Variants in DMBX1 observed in about 807,000 individuals in gnomAD.
The protein encoded by DMBX1 is diencephalon/mesencephalon homeobox protein 1.
In DMBX1, 7 loss-of-function variants were observed where a neutral mutation model predicts 30.4. The observed-to-expected ratio is 0.23, with a 90% CI of 0.13 to 0.43. DMBX1 has a LOEUF of 0.43. Among genes scored for constraint, DMBX1 ranks in the 20% least tolerant of loss-of-function variants. The pLI is 1.00. For synonymous variants in DMBX1, 222 were observed against 214.2 expected (o/e 1.04, Z -0.32); for missense variants, 460 against 508.5 (o/e 0.90, Z 0.92).
chr1:46,498,188 A>C (rs1666060503), intron 2 of DMBX1, among the ~76,000 whole-genome samples: 1 of 152,146 alleles, frequency 6.6e-6, no homozygotes, highest in Non-Finnish European at 1.5e-5. Flanking sequence ...TTGCTGGGAA[A>C]GGGCCCACTG....
chr1:46,506,901 A>G (rs765668043), intron 2 of DMBX1, 98 bp from the exon 3 acceptor site: 11 of 1,400,500 alleles, frequency 7.9e-6, no homozygotes, highest in African/African-American at 1.4e-5. Context: ...CTGACCCATC[A>G]GAAGGTGGGC....
rs1666456359 is a variant in DMBX1, at chr1:46,514,637, T to A, written c.*2143T>A. Among the ~76,000 whole-genome samples the A allele has an allele frequency of 6.6e-6, 1 of 152,118 alleles. No homozygotes were observed. Among genetic ancestry groups the A allele is most frequent in the African/African-American group, 2.4e-5 (1 of 41,428 alleles). Reference sequence around the variant, plus strand: ...GGAGGTGATGGCTTGGACAGATTCTTGGTCATGCTCCCCAACTCTTGGTGG... The same window carrying A: ...GGAGGTGATGGCTTGGACAGATTCTAGGTCATGCTCCCCAACTCTTGGTGG... On this transcript the variant is annotated 3_prime_UTR_variant, in exon 6 of 6. Coordinates refer to ENST00000360032, the MANE Select transcript of DMBX1 (RefSeq NM_172225.2).
rs996621752 is a variant in DMBX1 at position 46,510,146 on chromosome 1, T to C, written c.155-330T>C. Reference sequence around the variant, plus strand: ...TTATTAGCATCATGGAGTCTCAAAGTATACTCATAGTATCCATCTTAGGGT... The same window carrying C: ...TTATTAGCATCATGGAGTCTCAAAGCATACTCATAGTATCCATCTTAGGGT... On this transcript the variant is annotated intron_variant, in intron 3 of 5. Transcript: ENST00000360032. The surrounding 1 kb of genome is among the most constrained non-coding windows in gnomAD (Gnocchi z 4.1). Among the ~76,000 whole-genome samples, 1 of 152,204 alleles carries C rather than the reference T, an allele frequency of 6.6e-6. No homozygotes were observed.
Position 46,514,273 on chromosome 1 carries a change from G to C in DMBX1, c.*1779G>C, listed in dbSNP as rs973993070. 6.6e-6 allele frequency: 1 copy of C among 152,116 alleles called. No homozygotes were observed. The highest frequency in any genetic ancestry group is 1.5e-5 in the Non-Finnish European group (1 of 68,054). The allele number at this position is 152,116 out of a possible 1,614,324, so 9.4% of individuals were successfully genotyped here. A position where few individuals can be genotyped will look rare whatever the true frequency, so the allele number is the denominator to read the frequency against. On this transcript the variant is annotated 3_prime_UTR_variant, in exon 6 of 6. Transcript: ENST00000360032. The stretch of plus-strand genomic sequence containing the variant: ...CTTGGGCAAGCCTGTAGCCTCTCTG[G>C]GTCTGTTTCCCTGTCTGGGTTAGAT...
At chr1:46,507,779 G>A (rs945005662) in intron 3 of DMBX1, among the ~76,000 whole-genome samples, 4 of 152,168 alleles carry the variant, frequency 2.6e-5, no homozygotes, top group African/African-American at 9.7e-5. Context: ...CTTGAAATCA[G>A]CACGGGCTTT....
At chr1:46,501,581 G>A (rs1174585825) in intron 2 of DMBX1, among the ~76,000 whole-genome samples, 1 of 151,994 alleles carries the variant, frequency 6.6e-6, no homozygotes, top group Non-Finnish European at 1.5e-5. Flanking sequence ...TCTTTCTTTG[G>A]TTATAAATAA....
At chr1:46,501,196 T>TC (rs1666120301) in intron 2 of DMBX1, among the ~76,000 whole-genome samples, 8 of 60,156 alleles carry the variant, frequency 1.3e-4, no homozygotes, top group Non-Finnish European at 2.2e-4. Context: ...TTCTCTCCCT[T>TC]CCTTCCTTCC....
chr1:46,508,887 A>G (rs1666294547), intron 3 of DMBX1, among the ~76,000 whole-genome samples: 2 of 143,112 alleles, frequency 1.4e-5, no homozygotes, highest in Admixed American at 7.5e-5. Flanking sequence ...TCCTTCCCCA[A>G]CCAGAGTGGG....
At chr1:46,500,720 A>G (rs1666109188) in intron 2 of DMBX1, among the ~76,000 whole-genome samples, 1 of 152,104 alleles carries the variant, frequency 6.6e-6, no homozygotes, top group African/African-American at 2.4e-5. Flanking sequence ...TATCATGCAT[A>G]CTGCTTTGTT....
intron 2 of DMBX1, among the ~76,000 whole-genome samples, chr1:46,502,369 T>TTC (rs33958842): frequency 1.1e-4 from 16 of 150,858 alleles, no homozygotes; most frequent in East Asian, 7.9e-4. Context: ...CTTTTTTTTT[T>TTC]CCCCTCTTTT....
chr1:46,510,772 AAGCCTTC>A lies in DMBX1; in HGVS notation c.333+121_333+127del. On this transcript the variant is annotated intron_variant, in intron 4 of 5. Transcript: ENST00000360032. The surrounding 1 kb of genome is among the most constrained non-coding windows in gnomAD (Gnocchi z 4.1). ...CAAGGTGCAACTGATCTCTCCATCA[AAGCCTTC>A]AGTGATAGGAGGGGAGTTTGGGAAG... The A allele has an allele frequency of 7.2e-7, 1 of 1,389,916 alleles. No homozygotes were observed. Among genetic ancestry groups the A allele is most frequent in the South Asian group, 1.4e-5 (1 of 70,336 alleles). 86.1% of individuals were successfully genotyped at this position (1,389,916 alleles called of 1,614,324 possible). A position where few individuals can be genotyped will look rare whatever the true frequency, so the allele number is the denominator to read the frequency against.
At chr1:46,499,614 T>C (rs1221210358) in intron 2 of DMBX1, among the ~76,000 whole-genome samples, 1 of 152,256 alleles carries the variant, frequency 6.6e-6, no homozygotes, top group African/African-American at 2.4e-5. Context: ...TGGAGATGTC[T>C]GATGTATCAG....
chr1:46,511,664 T>C (rs1347222055), intron 5 of DMBX1, among the ~76,000 whole-genome samples: 1 of 151,266 alleles, frequency 6.6e-6, no homozygotes, highest in East Asian at 1.9e-4. Context: ...AACAGAGCTC[T>C]GGCATGAGGC....
rs2148479409 is a variant in DMBX1, at chr1:46,491,449, G to A, written c.-13+666G>A. Among the ~76,000 whole-genome samples the A allele has an allele frequency of 6.6e-6, 1 of 152,338 alleles. No individual in the cohort carries two copies. The highest frequency in any genetic ancestry group is 1.5e-5 in the Non-Finnish European group (1 of 68,032). ...CTCGGAGGCCGGGGCAGGGTGCGCC[G>A]ATATTGGTTTACTAAGGGCGCCTCC... On this transcript the variant is annotated intron_variant, in intron 2 of 5. Coordinates refer to ENST00000360032, the MANE Select transcript of DMBX1 (RefSeq NM_172225.2). This position sits in a 1 kb window ranked among gnomAD's most constrained non-coding sequence, Gnocchi z 5.5.
rs779589087 is a variant in DMBX1, at chr1:46,512,434, C to A, written c.1074C>A (p.Asn358Lys). The A allele has an allele frequency of 5.6e-6, 9 of 1,613,774 alleles. No homozygotes were observed. Among genetic ancestry groups the A allele is most frequent in the Non-Finnish European group, 7.6e-6 (9 of 1,179,988 alleles). ...ACAGTAAAACCACAAGCATCGAGAA[C>A]CTGCGGCTCCGGGCCAAGCAGCACG... Reference protein sequence around the residue: ...TLNSKTTSIENLRLRAKQHAA... With the variant: ...TLNSKTTSIEKLRLRAKQHAA... The change falls in exon 6 of 6, where the codon AAC becomes AAA. Residue 358 changes from asparagine (N) to lysine (K), a missense_variant. Asn to Lys is a moderately conservative substitution (Grantham distance 94, BLOSUM62 0). Around this residue, in one of 3 missense-constraint regions of DMBX1, gnomAD observed 334 missense variants for 345.1 expected, o/e 0.97. Coordinates refer to ENST00000360032, the MANE Select transcript of DMBX1 (RefSeq NM_172225.2). The surrounding 1 kb of genome is among the most constrained non-coding windows in gnomAD (Gnocchi z 4.8).
At chr1:46,500,459 C>G (rs1666102219) in intron 2 of DMBX1, among the ~76,000 whole-genome samples, 1 of 151,978 alleles carries the variant, frequency 6.6e-6, no homozygotes, top group Non-Finnish European at 1.5e-5. Context: ...AACTCTGTTC[C>G]CCCTTCCCCA....
chr1:46,512,015 G>T lies in DMBX1; in HGVS notation c.683-28G>T. 6.3e-7 allele frequency: 1 copy of T among 1,594,232 alleles called. No homozygotes were observed. The highest frequency in any genetic ancestry group is 8.5e-7 in the Non-Finnish European group (1 of 1,172,770). ...GCAGACCAATGCCCTTGTCCTGAGG[G>T]CTTTGTTCTTGGGTTCTCTGCTTGC... On this transcript the variant is annotated intron_variant, in intron 5 of 5. Transcript: ENST00000360032. The surrounding 1 kb of genome is among the most constrained non-coding windows in gnomAD (Gnocchi z 4.8).
At position 46,491,112 on chromosome 1, in the gene DMBX1, T is replaced by C. The variant is rs114823265; in HGVS notation, c.-13+329T>C. Among the ~76,000 whole-genome samples the C allele has an allele frequency of 0.012, 1,795 of 152,308 alleles. 27 individuals are homozygous for C. Among genetic ancestry groups the C allele is most frequent in the African/African-American group, 0.039 (1,636 of 41,556 alleles). On this transcript the variant is annotated intron_variant, in intron 2 of 5. Coordinates refer to ENST00000360032, the MANE Select transcript of DMBX1 (RefSeq NM_172225.2). This position sits in a 1 kb window ranked among gnomAD's most constrained non-coding sequence, Gnocchi z 5.5. ...TCCCGGAACCTGCGCAGGGGCTTCG[T>C]TGGCACTGGTGGTTCACTTAAGGAG...
rs192940382 is a variant in DMBX1 at position 46,492,886 on chromosome 1, C to T, written c.-13+2103C>T. ...TCATGCTCAACACATGCAGACACCC[C>T]GTAGGACAACAGTCCCAAGTGTCAC... On this transcript the variant is annotated intron_variant, in intron 2 of 5. Transcript: ENST00000360032. Among the ~76,000 whole-genome samples the T allele has an allele frequency of 2.6e-4, 40 of 152,288 alleles. No homozygotes were observed. In the East Asian group the frequency reaches 6.8e-3, roughly 26 times the overall value.
Sources: allele counts gnomAD v4.1 joint callset (sites outside exome capture counted in the v4.1 genomes callset), GRCh38; gene constraint gnomAD v4.1.1; regional missense constraint gnomAD v4.1.1; non-coding constraint Gnocchi (gnomAD v3.1); transcripts MANE v1.5; gene names NCBI Gene and HGNC (gene_info 2026-07-23, HGNC 2026-07-21).